The following SLC25A18 variants were observed in gnomAD, a reference collection of about 807,000 sequenced individuals.
SLC25A18 encodes solute carrier family 25 member 18.
SLC25A18 carries 24 observed loss-of-function variants against 31.1 expected under a neutral mutation model. The ratio of observed to expected loss-of-function variants is 0.77; its 90% confidence interval spans 0.56 to 1.08. SLC25A18 has a LOEUF of 1.08. SLC25A18 is among the 50% of genes least tolerant of loss of function. The pLI, the probability that SLC25A18 is intolerant of heterozygous loss-of-function variation, is 0.00. For missense variants in SLC25A18, 371 were observed against 418.5 expected (o/e 0.89, Z 0.99); for synonymous variants, 173 against 161.9 (o/e 1.07, Z -0.52).
At chr22:17,588,483 C>A (rs1365514421) in intron 9 of SLC25A18, 2 of 183,116 alleles carry the variant, frequency 1.1e-5, no homozygotes, top group South Asian at 2.3e-4. Context: ...CCCGTCTCTA[C>A]TAAAAATGCA....
intron 7 of SLC25A18, among the ~76,000 whole-genome samples, chr22:17,585,644 ATTATTATTTT>A (rs1366032073): frequency 0.1 from 13,626 of 132,550 alleles, 822 homozygotes; most frequent in Non-Finnish European, 0.15. Flanking sequence ...TATTATTATT[ATTATTATTTT>A]TTTTTTTTTT....
chr22:17,580,521 C>T, intron 3 of SLC25A18: 2 of 989,046 alleles, frequency 2.0e-6, no homozygotes, highest in Non-Finnish European at 2.4e-6. Flanking sequence ...TGGGAAGTGC[C>T]TGCTCTCTTA....
chr22:17,589,567 A>G, intron 9 of SLC25A18, 23 bp from the exon 10 acceptor site: 1 of 1,611,604 alleles, frequency 6.2e-7, no homozygotes, highest in Non-Finnish European at 8.5e-7. Flanking sequence ...TTCACTACTT[A>G]CTTTAACTTT....
chr22:17,564,400 G>C (rs1360421023), intron 1 of SLC25A18, among the ~76,000 whole-genome samples: 1 of 152,156 alleles, frequency 6.6e-6, no homozygotes, highest in African/African-American at 2.4e-5. Context: ...ACTAGCAACA[G>C]ATGCAACCTG....
chr22:17,570,603 G>A (rs2057061553), intron 2 of SLC25A18, among the ~76,000 whole-genome samples: 1 of 152,208 alleles, frequency 6.6e-6, no homozygotes, highest in Non-Finnish European at 1.5e-5. Flanking sequence ...TCCTGCCTCA[G>A]CCTCCCGAGT....
intron 2 of SLC25A18, among the ~76,000 whole-genome samples, chr22:17,576,082 G>T (rs1380295727): frequency 6.6e-6 from 1 of 152,142 alleles, no homozygotes; most frequent in Non-Finnish European, 1.5e-5. Flanking sequence ...GGCCGGGCAT[G>T]GTGGCTCATG....
chr22:17,571,912 G>T (rs766343150), intron 2 of SLC25A18, among the ~76,000 whole-genome samples: 3 of 152,104 alleles, frequency 2.0e-5, no homozygotes, highest in Non-Finnish European at 2.9e-5. Flanking sequence ...CAGCTACTGG[G>T]AGGCTGAGGC....
chr22:17,587,593 G>A (rs2057586761), intron 8 of SLC25A18, among the ~76,000 whole-genome samples: 1 of 152,190 alleles, frequency 6.6e-6, no homozygotes, highest in Admixed American at 6.5e-5. Context: ...GGACCGCAGA[G>A]TTCATAGTAA....
At chr22:17,589,106 T>A (rs968675626) in intron 9 of SLC25A18, 1 of 152,712 alleles carries the variant, frequency 6.5e-6, no homozygotes, top group Non-Finnish European at 1.5e-5. Flanking sequence ...ATTTATTTTA[T>A]AGCTGAGGCC....
chr22:17,585,057 G>C (rs1476073029), intron 7 of SLC25A18, among the ~76,000 whole-genome samples: 1 of 151,286 alleles, frequency 6.6e-6, no homozygotes, highest in Non-Finnish European at 1.5e-5. Context: ...TCCAGAGTTT[G>C]AGCCCAGCCT....
intron 7 of SLC25A18, among the ~76,000 whole-genome samples, chr22:17,584,307 G>A (rs564490599): frequency 4.7e-5 from 7 of 149,874 alleles, no homozygotes; most frequent in African/African-American, 1.5e-4. Context: ...GCAGGAGAAT[G>A]GCGTGAACCT....
At chr22:17,568,230 G>T (rs568434844) in intron 1 of SLC25A18, among the ~76,000 whole-genome samples, 26 of 151,860 alleles carry the variant, frequency 1.7e-4, no homozygotes, top group Non-Finnish European at 2.5e-4. Context: ...AGCCGGGTGT[G>T]GTGGTGGGCA....
intron 1 of SLC25A18, among the ~76,000 whole-genome samples, chr22:17,568,187 A>G (rs1242385770): frequency 1.3e-5 from 2 of 151,700 alleles, no homozygotes; most frequent in Non-Finnish European, 2.9e-5. Flanking sequence ...ACATGGTGAA[A>G]CCCCGTCTCT....
rs952945283 is a variant in SLC25A18, at chr22:17,590,912, C to CAGAT, written c.*679_*682dup. ...CTCATCTGTTCATCAGTGGGTACAG[C>CAGAT]AGATAGGCTGCAGTGAATGCTATCA... On this transcript the variant is annotated 3_prime_UTR_variant, in exon 11 of 11. Transcript: ENST00000327451. 4.6e-5 allele frequency: 7 copies of CAGAT among 152,274 alleles called. No homozygotes were observed. The highest frequency in any genetic ancestry group is 2.0e-4 in the Admixed American group (3 of 15,278). The allele number at this position is 152,274 out of a possible 1,614,324, so 9.4% of individuals were successfully genotyped here. A position where few individuals can be genotyped will look rare whatever the true frequency, so the allele number is the denominator to read the frequency against.
At chr22:17,580,809 G>T in intron 3 of SLC25A18, 1 of 1,296,666 alleles carries the variant, frequency 7.7e-7, no homozygotes, top group Non-Finnish European at 9.8e-7. Flanking sequence ...AGCCCCTGCA[G>T]GTCCCAGCTC....
At chr22:17,579,496 C>T (rs1019661831) in intron 2 of SLC25A18, among the ~76,000 whole-genome samples, 1 of 152,170 alleles carries the variant, frequency 6.6e-6, no homozygotes, top group African/African-American at 2.4e-5. Context: ...GTGCCACTCC[C>T]ATGCCTCTGT....
At chr22:17,578,952 C>T (rs1230368433) in intron 2 of SLC25A18, among the ~76,000 whole-genome samples, 2 of 152,162 alleles carry the variant, frequency 1.3e-5, no homozygotes, top group African/African-American at 4.8e-5. Flanking sequence ...TTGTAGCTTC[C>T]ACTTGTCAAT....
intron 7 of SLC25A18, among the ~76,000 whole-genome samples, chr22:17,584,440 A>AAGGG (rs2057471256): frequency 7.7e-6 from 1 of 129,176 alleles, no homozygotes; most frequent in Non-Finnish European, 1.5e-5. Context: ...GGAAGGAAGG[A>AAGGG]AGGAAGGAGA....
intron 6 of SLC25A18, among the ~76,000 whole-genome samples, 158 bp downstream of exon 6, chr22:17,582,811 G>C (rs956083460): frequency 1.7e-4 from 26 of 152,212 alleles, no homozygotes; most frequent in Non-Finnish European, 4.4e-5. Context: ...CTGCTGGAGA[G>C]TGAAGGGAGA....
Sources: gnomAD v4.1 joint callset for allele counts (sites outside exome capture counted in the v4.1 genomes callset) on GRCh38, gnomAD v4.1.1 for gene constraint, MANE v1.5 for transcripts, NCBI Gene and HGNC (gene_info 2026-07-23, HGNC 2026-07-21) for gene names.